GRIN2B: variants seen among roughly 807,000 people sequenced by gnomAD.
GRIN2B encodes glutamate receptor ionotropic, NMDA 2B.
A neutral mutation model predicts 114.5 loss-of-function variants in GRIN2B; 5 were observed. The observed-to-expected ratio is 0.04, with a 90% CI of 0.02 to 0.09. GRIN2B has a LOEUF of 0.09. Ranked by LOEUF, GRIN2B falls within the 10% of genes least tolerant of loss-of-function variation. GRIN2B has a pLI of 1.00. For missense variants in GRIN2B, 1,108 were observed against 1,943.5 expected (o/e 0.57, Z 8.08); for synonymous variants, 787 against 745.1 (o/e 1.06, Z -0.92).
rs559819589 is a variant in GRIN2B at position 13,945,994 on chromosome 12, G to C, written c.-19+33934C>G. Among the ~76,000 whole-genome samples the C allele has an allele frequency of 1.8e-4, 27 of 152,330 alleles. No homozygotes were observed. The East Asian group carries it at 5.2e-3, about 29-fold the overall frequency. ...GCCTCATTTGGGAACAGAAGTAGCA[G>C]CTCTGTGGGAAATTCCAGAGTATGA... On this transcript the variant is annotated intron_variant, in intron 2 of 13. Transcript: ENST00000609686.
chr12:13,889,404 A>G (rs910722147), intron 2 of GRIN2B, among the ~76,000 whole-genome samples: 1 of 152,234 alleles, frequency 6.6e-6, no homozygotes, highest in African/African-American at 2.4e-5. Context: ...AAATGCTTTT[A>G]TATCTGAGTC....
intron 2 of GRIN2B, among the ~76,000 whole-genome samples, chr12:13,956,925 C>G (rs1053074149): frequency 3.3e-5 from 5 of 152,158 alleles, no homozygotes; most frequent in Non-Finnish European, 7.4e-5. Flanking sequence ...TCGTCCTCTA[C>G]CCTTAATTTC....
intron 2 of GRIN2B, among the ~76,000 whole-genome samples, chr12:13,961,009 G>T (rs1031843979): frequency 6.6e-6 from 1 of 152,144 alleles, no homozygotes; most frequent in Admixed American, 6.5e-5. Context: ...TGAGAGTGGG[G>T]TGGGTGCTTG....
At chr12:13,595,738 A>G (rs146776975) in intron 10 of GRIN2B, among the ~76,000 whole-genome samples, 2 of 152,284 alleles carry the variant, frequency 1.3e-5, no homozygotes, top group Admixed American at 6.5e-5. Context: ...ATTGTTCTTC[A>G]GCACTTGAAT....
chr12:13,630,791 C>T (rs1160894602), intron 5 of GRIN2B, among the ~76,000 whole-genome samples: 1 of 152,140 alleles, frequency 6.6e-6, no homozygotes, highest in Non-Finnish European at 1.5e-5. Flanking sequence ...TTTCAGGCCA[C>T]TAAGTTTCGA....
intron 3 of GRIN2B, among the ~76,000 whole-genome samples, chr12:13,832,956 TA>T (rs926265438): frequency 3.9e-5 from 6 of 152,074 alleles, no homozygotes; most frequent in African/African-American, 7.2e-5. Flanking sequence ...ATATTTTAAT[TA>T]AAAAAAATCG....
In GRIN2B at chr12:13,932,989, G is replaced by GTGTGCA. The variant is rs1443709729; in HGVS notation, c.-19+46938_-19+46939insTGCACA. Among the ~76,000 whole-genome samples, 399 of 150,288 alleles carry GTGTGCA rather than the reference G, an allele frequency of 2.7e-3. 6 individuals carry two copies. The East Asian group carries it at 0.041, about 15-fold the overall frequency. ...TGTGTGTGTGTGTGTGTGTGTGTGC[G>GTGTGCA]TGTGCGTGTGTGTGTGTTTGTGTGA... On this transcript the variant is annotated intron_variant, in intron 2 of 13. Transcript: ENST00000609686.
chr12:13,605,352 T>A (rs1051725850), intron 10 of GRIN2B, among the ~76,000 whole-genome samples: 1 of 151,334 alleles, frequency 6.6e-6, no homozygotes, highest in Non-Finnish European at 1.5e-5. Context: ...GTTTGATGAG[T>A]GAAAAAGTGG....
chr12:13,602,020 G>A (rs961102075), intron 10 of GRIN2B, among the ~76,000 whole-genome samples: 1 of 152,108 alleles, frequency 6.6e-6, no homozygotes, highest in Non-Finnish European at 1.5e-5. Flanking sequence ...GATCTGTTCT[G>A]GACCCATTTG....
At chr12:13,748,412 T>C (rs1431555555) in intron 4 of GRIN2B, among the ~76,000 whole-genome samples, 2 of 152,186 alleles carry the variant, frequency 1.3e-5, no homozygotes, top group Non-Finnish European at 1.5e-5. Context: ...AGAAGGAAAA[T>C]AACCACTAAC....
intron 3 of GRIN2B, among the ~76,000 whole-genome samples, chr12:13,797,290 A>G (rs138275808): frequency 0.01 from 1,587 of 152,224 alleles, 35 homozygotes; most frequent in African/African-American, 0.037. Flanking sequence ...CTCTGCCCCC[A>G]TGACCTAATC....
chr12:13,922,786 C>G (rs532865157), intron 2 of GRIN2B, among the ~76,000 whole-genome samples: 170 of 152,330 alleles, frequency 1.1e-3, no homozygotes, highest in African/African-American at 4.0e-3. Flanking sequence ...CTTTGGGAAA[C>G]AACGCCTCCT....
At chr12:13,842,473 T>G (rs1407396697) in intron 3 of GRIN2B, among the ~76,000 whole-genome samples, 1 of 152,022 alleles carries the variant, frequency 6.6e-6, no homozygotes, top group Non-Finnish European at 1.5e-5. Flanking sequence ...CTCATCTAAT[T>G]TCTGTGCCAT....
chr12:13,725,907 C>A (rs1862976732), intron 4 of GRIN2B, among the ~76,000 whole-genome samples: 2 of 152,042 alleles, frequency 1.3e-5, no homozygotes, highest in Admixed American at 1.3e-4. Flanking sequence ...CAATGACTCT[C>A]CTGGAGATTT....
intron 3 of GRIN2B, among the ~76,000 whole-genome samples, chr12:13,832,467 C>T (rs1370599011): frequency 2.6e-5 from 4 of 152,222 alleles, no homozygotes; most frequent in African/African-American, 9.6e-5. Context: ...CTCATGCCCA[C>T]TGGATGGGAG....
At chr12:13,596,583 C>CT (rs1949076345) in intron 10 of GRIN2B, among the ~76,000 whole-genome samples, 1 of 152,166 alleles carries the variant, frequency 6.6e-6, no homozygotes, top group Non-Finnish European at 1.5e-5. Context: ...AGAGTGGGAT[C>CT]TTTTCCTTTG....
At chr12:13,791,173 C>T (rs1418921090) in intron 3 of GRIN2B, among the ~76,000 whole-genome samples, 1 of 152,080 alleles carries the variant, frequency 6.6e-6, no homozygotes, top group Non-Finnish European at 1.5e-5. Flanking sequence ...GGTTAACATT[C>T]CATGTCCTGG....
intron 8 of GRIN2B, among the ~76,000 whole-genome samples, chr12:13,612,512 A>G (rs924442432): frequency 6.6e-6 from 1 of 152,258 alleles, no homozygotes; most frequent in African/African-American, 2.4e-5. Flanking sequence ...TATCTGCAAC[A>G]GTGGGAATTT....
intron 2 of GRIN2B, among the ~76,000 whole-genome samples, chr12:13,953,999 C>T (rs1311921911): frequency 1.3e-5 from 2 of 152,198 alleles, no homozygotes; most frequent in Non-Finnish European, 2.9e-5. Context: ...AGCATGTAGA[C>T]TATTGACATA....
Sources: allele counts gnomAD v4.1 joint callset (sites outside exome capture counted in the v4.1 genomes callset), GRCh38; gene constraint gnomAD v4.1.1; transcripts MANE v1.5; gene names NCBI Gene and HGNC (gene_info 2026-07-23, HGNC 2026-07-21).